Variants in ANKRD11 observed in about 807,000 individuals in gnomAD.
ANKRD11 encodes ankyrin repeat domain-containing protein 11.
Under a neutral mutation model 195.7 loss-of-function variants are expected in ANKRD11, and 17 were observed. The observed-to-expected ratio is 0.09, with a 90% CI of 0.06 to 0.13. The LOEUF is 0.13. ANKRD11 is among the 10% of genes least tolerant of loss of function. The probability of loss-of-function intolerance (pLI) is 1.00; values close to 1 mark genes in which losing one functional copy is unlikely to be tolerated. For synonymous variants in ANKRD11, 1,953 were observed against 1,528.1 expected (o/e 1.28, Z -6.49); for missense variants, 3,735 against 3,566.1 (o/e 1.05, Z -1.21).
intron 1 of ANKRD11, among the ~76,000 whole-genome samples, chr16:89,485,340 A>C (rs901410967): frequency 2.0e-5 from 3 of 151,788 alleles, no homozygotes; most frequent in Non-Finnish European, 4.4e-5. Flanking sequence ...AAAAAAAAAA[A>C]AACACTAACT....
intron 11 of ANKRD11, chr16:89,271,251 TTTTAA>T: frequency 2.7e-6 from 1 of 367,000 alleles, no homozygotes. Flanking sequence ...TTTTTTTTTT[TTTTAA>T]GAGACAGAGT....
rs540946820 is a variant in ANKRD11, at chr16:89,321,499, C to T, written c.-59-4421G>A. Among the ~76,000 whole-genome samples, 817 of 147,722 alleles carry T rather than the reference C, an allele frequency of 5.5e-3. 6 individuals are homozygous for T. The highest frequency in any genetic ancestry group is 0.019 in the African/African-American group (783 of 40,408). On this transcript the variant is annotated intron_variant, in intron 2 of 12. Coordinates refer to ENST00000301030, the MANE Select transcript of ANKRD11 (RefSeq NM_013275.6). ...GGGGCCGGGTGGGGAGCCGCAGCTG[C>T]GGGGCAGGGGCTGCCCAGGAGCACT...
intron 2 of ANKRD11, chr16:89,324,433 G>C (rs2037569523): frequency 2.1e-6 from 1 of 467,216 alleles, no homozygotes; most frequent in South Asian, 1.5e-5. Context: ...TAAAACCAAG[G>C]TAAGTGTGAG....
chr16:89,280,312 A>G lies in ANKRD11; in HGVS notation c.6230T>C (p.Leu2077Pro). 1 of 1,591,586 alleles carries G rather than the reference A, an allele frequency of 6.3e-7. No homozygotes were observed. The highest frequency in any genetic ancestry group is 8.6e-7 in the Non-Finnish European group (1 of 1,168,714). ...ACAGGCGGGCTCGGGGGCCACGTCC[A>G]GCGGGGCTTCCGGAAGTGACTTGCA... ...SNCKSLPEAPLDVAPEPACVA... is the reference protein window; with the variant it reads ...SNCKSLPEAPPDVAPEPACVA... The change falls in exon 9 of 13, where the codon CTG becomes CCG. Residue 2077 changes from leucine to proline, a missense_variant. Coordinates refer to ENST00000301030, the MANE Select transcript of ANKRD11 (RefSeq NM_013275.6).
intron 4 of ANKRD11, chr16:89,300,285 T>C: frequency 4.5e-6 from 1 of 220,650 alleles, no homozygotes; most frequent in South Asian, 5.0e-5. Flanking sequence ...GGTGAGAAAC[T>C]GCATCAGGGC....
chr16:89,298,503 C>T (rs918296620), intron 4 of ANKRD11, among the ~76,000 whole-genome samples: 4 of 152,228 alleles, frequency 2.6e-5, no homozygotes, highest in Admixed American at 2.0e-4. Flanking sequence ...CCCAAAGTCC[C>T]ACAGCATGGA....
At position 89,283,941 on chromosome 16, in the gene ANKRD11, G is replaced by A; in HGVS notation, c.2601C>T (p.Asp867=). The A allele has an allele frequency of 1.2e-6, 2 of 1,614,072 alleles. No individual in the cohort carries two copies. Among genetic ancestry groups the A allele is most frequent in the Admixed American group, 1.7e-5 (1 of 60,014 alleles). The part of the protein sequence containing the change: ...SWDSPVTDYR[D]MKSDSVAKLI... ...GCTTGGCCACAGAGTCGCTCTTCAT[G>A]TCCCTGTAGTCTGTCACTGGCGAGT... Residue 867 remains aspartate (D), a synonymous_variant, in exon 9 of 13, where the codon GAC becomes GAT. Transcript: ENST00000301030. This position sits in a 1 kb window ranked among gnomAD's most constrained non-coding sequence, Gnocchi z 4.3.
intron 9 of ANKRD11, among the ~76,000 whole-genome samples, chr16:89,275,529 G>A (rs1177720558): frequency 1.3e-5 from 2 of 152,210 alleles, no homozygotes; most frequent in African/African-American, 2.4e-5. Flanking sequence ...GAGATACAGC[G>A]AGACAGCAGG....
At chr16:89,469,832 CAG>C (rs2057014163) in intron 1 of ANKRD11, among the ~76,000 whole-genome samples, 1 of 64 alleles carries the variant, frequency 0.016, no homozygotes, top group Non-Finnish European at 0.038. Flanking sequence ...CCGGGAGCGG[CAG>C]TTGCAGGGAG....
intron 1 of ANKRD11, among the ~76,000 whole-genome samples, chr16:89,481,630 T>C (rs930987997): frequency 6.6e-6 from 1 of 152,208 alleles, no homozygotes; most frequent in African/African-American, 2.4e-5. Context: ...GCCTGCAAAC[T>C]CTGACACATC....
At chr16:89,414,400 C>T (rs2042215184) in intron 2 of ANKRD11, among the ~76,000 whole-genome samples, 1 of 152,148 alleles carries the variant, frequency 6.6e-6, no homozygotes, top group South Asian at 2.1e-4. Flanking sequence ...CTGGGAACCG[C>T]GTGCTGGGGT....
At chr16:89,430,494 A>G (rs994012145) in intron 1 of ANKRD11, among the ~76,000 whole-genome samples, 3 of 151,634 alleles carry the variant, frequency 2.0e-5, no homozygotes, top group African/African-American at 7.3e-5. Context: ...TCTCACGCTC[A>G]GTCGTTCTAG....
At chr16:89,462,742 G>A (rs56754906) in intron 1 of ANKRD11, among the ~76,000 whole-genome samples, 4,186 of 150,846 alleles carry the variant, frequency 0.028, 180 homozygotes, top group African/African-American at 0.097. Flanking sequence ...GATGTGAGGA[G>A]CACCTCTGCC....
intron 2 of ANKRD11, among the ~76,000 whole-genome samples, chr16:89,342,056 C>T (rs1371464489): frequency 9.7e-6 from 1 of 102,622 alleles, no homozygotes; most frequent in African/African-American, 3.6e-5. Flanking sequence ...CGGCCCACGG[C>T]GGGAGTGCTG....
chr16:89,462,791 G>A (rs1053478993), intron 1 of ANKRD11, among the ~76,000 whole-genome samples: 20 of 150,396 alleles, frequency 1.3e-4, no homozygotes, highest in African/African-American at 3.9e-4. Flanking sequence ...CCCTCTGCCC[G>A]GCAACCACCC....
chr16:89,455,687 T>C (rs995205591), intron 1 of ANKRD11, among the ~76,000 whole-genome samples: 6 of 152,126 alleles, frequency 3.9e-5, no homozygotes, highest in Admixed American at 3.9e-4. Flanking sequence ...ACACACCTCA[T>C]CCTTGGAGAC....
In ANKRD11 at chr16:89,408,232, G is replaced by A. The variant is rs186447378; in HGVS notation, c.-60+10052C>T. On this transcript the variant is annotated intron_variant, in intron 2 of 12. Coordinates refer to ENST00000301030, the MANE Select transcript of ANKRD11 (RefSeq NM_013275.6). ...ACTCCCTGAGAGAGCTCACACCAGC[G>A]CTGTTCCCTCAGAAGCCCAGTTCTC... is the stretch of plus-strand genomic sequence containing the variant. 5.4e-3 allele frequency among the ~76,000 whole-genome samples: 829 copies of A among 152,352 alleles called. 5 individuals carry two copies. Among genetic ancestry groups the A allele is most frequent in the Non-Finnish European group, 9.0e-3 (615 of 68,024 alleles).
chr16:89,415,617 C>T (rs191360147), intron 2 of ANKRD11, among the ~76,000 whole-genome samples: 15 of 151,358 alleles, frequency 9.9e-5, no homozygotes, highest in Admixed American at 8.6e-4. Context: ...CAATGGAGAA[C>T]AGGCATTCAA....
intron 2 of ANKRD11, among the ~76,000 whole-genome samples, chr16:89,404,632 G>A (rs770085958): frequency 6.6e-6 from 1 of 152,238 alleles, no homozygotes; most frequent in Admixed American, 6.5e-5. Context: ...GAAGACAGAC[G>A]CAGTCACTAC....
Sources: gnomAD v4.1 joint callset for allele counts (sites outside exome capture counted in the v4.1 genomes callset) on GRCh38, gnomAD v4.1.1 for gene constraint, Gnocchi (gnomAD v3.1) non-coding constraint, MANE v1.5 for transcripts, NCBI Gene and HGNC (gene_info 2026-07-23, HGNC 2026-07-21) for gene names.